PDE8B: variants seen among roughly 807,000 people sequenced by gnomAD.
PDE8B encodes phosphodiesterase 8B.
In PDE8B, 26 loss-of-function variants were observed where a neutral mutation model predicts 101.3. That is an observed-to-expected ratio of 0.26 (90% CI 0.19 to 0.36). PDE8B has a LOEUF of 0.36. Ranked by LOEUF, PDE8B falls within the 10% of genes least tolerant of loss-of-function variation. The pLI is 1.00. For synonymous variants in PDE8B, 424 were observed against 429.3 expected (o/e 0.99, Z 0.15); for missense variants, 810 against 1,163.1 (o/e 0.70, Z 4.42).
At chr5:77,308,738 A>T (rs966806535) in intron 1 of PDE8B, among the ~76,000 whole-genome samples, 9 of 152,294 alleles carry the variant, frequency 5.9e-5, no homozygotes, top group Non-Finnish European at 1.3e-4. Context: ...TGCGCCTGGC[A>T]CAATGCCTGG....
At chr5:77,349,586 A>G in intron 8 of PDE8B, 27 bp downstream of exon 8, 1 of 1,613,658 alleles carries the variant, frequency 6.2e-7, no homozygotes, top group Non-Finnish European at 8.5e-7. Context: ...AAACCAATCC[A>G]CGAACCCTCT....
chr5:77,347,684 T>A (rs1266928274), intron 7 of PDE8B, among the ~76,000 whole-genome samples: 1 of 152,128 alleles, frequency 6.6e-6, no homozygotes, highest in Admixed American at 6.5e-5. Context: ...TCACTGAAAG[T>A]CTGCACAGGC....
At chr5:77,234,552 C>T (rs906283678) in intron 1 of PDE8B, among the ~76,000 whole-genome samples, 80 of 152,236 alleles carry the variant, frequency 5.3e-4, no homozygotes, top group African/African-American at 1.8e-3. Flanking sequence ...TAGAACAGGC[C>T]GAGGGAGCAC....
chr5:77,373,273 T>A (rs1440676930), intron 10 of PDE8B, among the ~76,000 whole-genome samples: 4 of 152,308 alleles, frequency 2.6e-5, no homozygotes, highest in African/African-American at 9.6e-5. Flanking sequence ...GTTTGCTCCT[T>A]TTTTCTAGCT....
rs975708154 is a variant in PDE8B at position 77,335,489 on chromosome 5, C to G, written c.709-1738C>G. 3.9e-5 allele frequency among the ~76,000 whole-genome samples: 6 copies of G among 151,966 alleles called. No homozygotes were observed. The East Asian group carries it at 1.2e-3, about 29-fold the overall frequency. On this transcript the variant is annotated intron_variant, in intron 5 of 21. Transcript: ENST00000264917. ...CCAGGGAAAGCCAGGGAGAAGCCAA[C>G]CACTCCAGATATGTGGAGCCAACCA... is the stretch of plus-strand genomic sequence containing the variant.
chr5:77,218,003 C>T (rs1750178518), intron 1 of PDE8B, among the ~76,000 whole-genome samples: 1 of 152,106 alleles, frequency 6.6e-6, no homozygotes, highest in Non-Finnish European at 1.5e-5. Context: ...CCCTCCTTTC[C>T]CCCTCCTTAG....
At chr5:77,096,013 T>C in the PDE8B span, among the ~76,000 whole-genome samples, 1 of 152,076 alleles carries the variant, frequency 6.6e-6, no homozygotes. Context: ...TTTTTTGAGA[T>C]GGAGTCTCAC....
chr5:77,154,536 C>T, the PDE8B span, among the ~76,000 whole-genome samples: 1 of 152,218 alleles, frequency 6.6e-6, no homozygotes, highest in Non-Finnish European at 1.5e-5. Context: ...TTAAGGTCCT[C>T]TGCATTTGGC....
At chr5:77,298,208 T>C (rs1028904144) in intron 1 of PDE8B, among the ~76,000 whole-genome samples, 1 of 152,194 alleles carries the variant, frequency 6.6e-6, no homozygotes, top group Non-Finnish European at 1.5e-5. Context: ...TAGGCATTGC[T>C]GAAAAGTATA....
intron 1 of PDE8B, among the ~76,000 whole-genome samples, chr5:77,288,145 C>T (rs1766443587): frequency 6.6e-6 from 1 of 152,166 alleles, no homozygotes; most frequent in Non-Finnish European, 1.5e-5. Context: ...CCATTTCGTC[C>T]TATGTGAAGG....
intron 1 of PDE8B, chr5:77,290,319 G>C: frequency 6.5e-7 from 1 of 1,527,508 alleles, no homozygotes; most frequent in Non-Finnish European, 9.0e-7. Context: ...GAAAGAGGTG[G>C]GGCTCCGAGA....
At chr5:77,405,785 G>A (rs1793301497) in intron 12 of PDE8B, among the ~76,000 whole-genome samples, 1 of 152,166 alleles carries the variant, frequency 6.6e-6, no homozygotes, top group Admixed American at 6.5e-5. Flanking sequence ...ATCAGAACTC[G>A]AGAGCGGACA....
intron 17 of PDE8B, among the ~76,000 whole-genome samples, chr5:77,416,888 C>T (rs986504089): frequency 9.2e-5 from 14 of 152,152 alleles, no homozygotes; most frequent in African/African-American, 3.4e-4. Flanking sequence ...ACCACTTTCC[C>T]TCTCACTATC....
intron 10 of PDE8B, among the ~76,000 whole-genome samples, chr5:77,367,811 G>C (rs1360907113): frequency 6.6e-6 from 1 of 152,198 alleles, no homozygotes; most frequent in Non-Finnish European, 1.5e-5. Context: ...TTACAGGCGT[G>C]AGCCACCACG....
At chr5:77,258,230 A>G (rs145189787) in intron 1 of PDE8B, among the ~76,000 whole-genome samples, 1,642 of 141,572 alleles carry the variant, frequency 0.012, 16 homozygotes, top group African/African-American at 0.04. Flanking sequence ...CGGAGGTTGT[A>G]GTGAGCCGAG....
the PDE8B span, among the ~76,000 whole-genome samples, chr5:77,093,077 T>C: frequency 6.6e-6 from 1 of 152,256 alleles, no homozygotes; most frequent in Admixed American, 6.5e-5. Context: ...ATCTTGTTTT[T>C]GGTATAAGAG....
the PDE8B span, among the ~76,000 whole-genome samples, chr5:77,167,378 G>A: frequency 1.3e-5 from 2 of 152,210 alleles, no homozygotes. Context: ...AAACCCAATA[G>A]AGGAATAGCT....
intron 1 of PDE8B, among the ~76,000 whole-genome samples, chr5:77,227,149 T>C (rs1157903342): frequency 6.6e-6 from 1 of 152,216 alleles, no homozygotes; most frequent in Admixed American, 6.5e-5. Context: ...AAAATCAAGT[T>C]TTTTTCCACC....
the PDE8B span, among the ~76,000 whole-genome samples, chr5:77,203,514 C>A: frequency 6.6e-6 from 1 of 152,122 alleles, no homozygotes; most frequent in Non-Finnish European, 1.5e-5. Context: ...GGCTGGCTGG[C>A]TGGGTGGATG....
Sources: allele counts gnomAD v4.1 joint callset (sites outside exome capture counted in the v4.1 genomes callset), GRCh38; gene constraint gnomAD v4.1.1; transcripts MANE v1.5; gene names NCBI Gene and HGNC (gene_info 2026-07-23, HGNC 2026-07-21).